Variants in SLC10A7 observed in about 807,000 individuals in gnomAD.
The protein encoded by SLC10A7 is solute carrier family 10 member 7, also known as sodium/bile acid cotransporter 7.
Under a neutral mutation model 43.2 loss-of-function variants are expected in SLC10A7, and 29 were observed. The ratio of observed to expected loss-of-function variants is 0.67; its 90% CI spans 0.50 to 0.92. The LOEUF is 0.92. SLC10A7 is among the 40% of genes least tolerant of loss of function. The pLI is 0.00. For synonymous variants in SLC10A7, 152 were observed against 144.8 expected (o/e 1.05, Z -0.35); for missense variants, 295 against 403.2 (o/e 0.73, Z 2.30).
chr4:146,275,819 C>T (rs912047952), intron 10 of SLC10A7, among the ~76,000 whole-genome samples: 4 of 150,244 alleles, frequency 2.7e-5, no homozygotes, highest in Non-Finnish European at 5.9e-5. Flanking sequence ...ACTAGTAGTT[C>T]AACACAAAAA....
At chr4:146,299,870 G>C (rs1000937211) in intron 7 of SLC10A7, among the ~76,000 whole-genome samples, 1 of 152,142 alleles carries the variant, frequency 6.6e-6, no homozygotes, top group Non-Finnish European at 1.5e-5. Context: ...CAGTAGAAGC[G>C]GGGTTGGGCC....
At chr4:146,341,992 C>T (rs1734294622) in intron 5 of SLC10A7, among the ~76,000 whole-genome samples, 2 of 151,814 alleles carry the variant, frequency 1.3e-5, no homozygotes, top group Admixed American at 6.6e-5. Context: ...AACTCAGAAA[C>T]ATTAGCAATT....
chr4:146,333,935 G>C (rs17021384), intron 5 of SLC10A7, among the ~76,000 whole-genome samples: 3,308 of 152,152 alleles, frequency 0.022, 114 homozygotes, highest in African/African-American at 0.075. Context: ...CTAAGGCGAT[G>C]GGATCTTAGT....
chr4:146,294,115 A>AG lies in SLC10A7; in HGVS notation c.556-21dup. The AG allele has an allele frequency of 6.5e-7, 1 of 1,539,768 alleles. No individual in the cohort carries two copies. The highest frequency in any genetic ancestry group is 8.8e-7 in the Non-Finnish European group (1 of 1,132,986). On this transcript the variant is annotated intron_variant, in intron 7 of 11. Coordinates refer to ENST00000335472, the MANE Select transcript of SLC10A7 (RefSeq NM_001029998.6). ...GACAATCTGAAATACAGAGATCAAC[A>AG]GGTTGCCTCTTTTCAGAGATGGAGG...
At chr4:146,346,574 C>T (rs968203712) in intron 5 of SLC10A7, among the ~76,000 whole-genome samples, 16 of 152,104 alleles carry the variant, frequency 1.1e-4, no homozygotes, top group African/African-American at 3.1e-4. Flanking sequence ...CTTTTCAACT[C>T]GGTTTAATTT....
At chr4:146,397,224 G>A (rs965190612) in intron 5 of SLC10A7, among the ~76,000 whole-genome samples, 2 of 151,992 alleles carry the variant, frequency 1.3e-5, no homozygotes, top group Admixed American at 6.6e-5. Flanking sequence ...AGTTAAGACC[G>A]ATGTAAGAAC....
At chr4:146,388,299 G>C (rs551534133) in intron 5 of SLC10A7, among the ~76,000 whole-genome samples, 1 of 152,206 alleles carries the variant, frequency 6.6e-6, no homozygotes, top group African/African-American at 2.4e-5. Context: ...CTTTGACAAA[G>C]TTGACAAAGA....
chr4:146,442,488 T>C, intron 5 of SLC10A7: 1 of 1,143,844 alleles, frequency 8.7e-7, no homozygotes, highest in Non-Finnish European at 1.1e-6. Context: ...AAAGACCTCA[T>C]TAAATGATCA....
At chr4:146,409,725 C>A (rs762587972) in intron 5 of SLC10A7, among the ~76,000 whole-genome samples, 1 of 152,054 alleles carries the variant, frequency 6.6e-6, no homozygotes, top group Non-Finnish European at 1.5e-5. Flanking sequence ...TAATCAAGAA[C>A]GTGAGAAATA....
At position 146,501,828 on chromosome 4, in the gene SLC10A7, C is replaced by A. The variant is rs538852499; in HGVS notation, c.396+2021G>T. Among the ~76,000 whole-genome samples, 3 of 152,256 alleles carry A rather than the reference C, an allele frequency of 2.0e-5. No individual in the cohort carries two copies. In the South Asian group the frequency reaches 6.2e-4, roughly 32 times the overall value. On this transcript the variant is annotated intron_variant, in intron 4 of 11. Transcript: ENST00000335472. The stretch of plus-strand genomic sequence containing the variant: ...CAAAAACCTTAAAGCCATTCTTGAC[C>A]CCTCTTTTTCTCTCACACCCCACAT...
At chr4:146,415,281 G>A (rs1487717367) in intron 5 of SLC10A7, among the ~76,000 whole-genome samples, 2 of 152,164 alleles carry the variant, frequency 1.3e-5, no homozygotes, top group Non-Finnish European at 2.9e-5. Flanking sequence ...GTGGGAACTG[G>A]ATTCTGGCTG....
chr4:146,414,199 G>A (rs1029516356), intron 5 of SLC10A7, among the ~76,000 whole-genome samples: 8 of 152,096 alleles, frequency 5.3e-5, no homozygotes, highest in Non-Finnish European at 1.2e-4. Flanking sequence ...TCCTCAACAT[G>A]ACTAGGAAAC....
rs142444326 is a variant in SLC10A7, at chr4:146,380,170, G to A, written c.436-54174C>T. On this transcript the variant is annotated intron_variant, in intron 5 of 11. Coordinates refer to ENST00000335472, the MANE Select transcript of SLC10A7 (RefSeq NM_001029998.6). The stretch of plus-strand genomic sequence containing the variant: ...TTTGTTTAAAACCAGGTATATGTTA[G>A]TTTTAATCCCTCTGGATCAATCTAC... Among the ~76,000 whole-genome samples, 9 of 152,176 alleles carry A rather than the reference G, an allele frequency of 5.9e-5. No individual in the cohort carries two copies. In the East Asian group the frequency reaches 1.7e-3, roughly 29 times the overall value.
chr4:146,298,622 G>T (rs887727604), intron 7 of SLC10A7, among the ~76,000 whole-genome samples: 1 of 152,130 alleles, frequency 6.6e-6, no homozygotes, highest in Non-Finnish European at 1.5e-5. Context: ...CTGTTTCATT[G>T]TTTATTTGTA....
At chr4:146,350,088 G>A (rs1734934630) in intron 5 of SLC10A7, among the ~76,000 whole-genome samples, 1 of 151,570 alleles carries the variant, frequency 6.6e-6, no homozygotes, top group Non-Finnish European at 1.5e-5. Flanking sequence ...CGACGCAGAA[G>A]ACGGGTGATT....
At chr4:146,364,051 A>G (rs192099457) in intron 5 of SLC10A7, among the ~76,000 whole-genome samples, 3 of 152,078 alleles carry the variant, frequency 2.0e-5, no homozygotes, top group African/African-American at 7.2e-5. Context: ...AAAGATCAAC[A>G]AAACAAAAAG....
intron 4 of SLC10A7, among the ~76,000 whole-genome samples, chr4:146,443,381 A>G (rs1262286980): frequency 6.6e-6 from 1 of 152,192 alleles, no homozygotes; most frequent in Non-Finnish European, 1.5e-5. Context: ...GAAAAGCTCC[A>G]ATTTGGTGTT....
At chr4:146,472,032 T>G (rs1365861409) in intron 4 of SLC10A7, among the ~76,000 whole-genome samples, 1 of 151,918 alleles carries the variant, frequency 6.6e-6, no homozygotes, top group East Asian at 1.9e-4. Context: ...ACACTAAAAA[T>G]AAAGAGAAAT....
intron 4 of SLC10A7, among the ~76,000 whole-genome samples, chr4:146,464,619 A>G (rs1560934340): frequency 6.6e-6 from 1 of 152,048 alleles, no homozygotes; most frequent in Non-Finnish European, 1.5e-5. Flanking sequence ...AATTATGTTC[A>G]TGTGATAATG....
Sources: gnomAD v4.1 joint callset for allele counts (sites outside exome capture counted in the v4.1 genomes callset) on GRCh38, gnomAD v4.1.1 for gene constraint, MANE v1.5 for transcripts, NCBI Gene and HGNC (gene_info 2026-07-23, HGNC 2026-07-21) for gene names.